The following NRXN1 variants were observed in gnomAD, a reference collection of about 807,000 sequenced individuals.
NRXN1 encodes neurexin-1.
In NRXN1, 39 loss-of-function variants were observed where a neutral mutation model predicts 150.9. That is an observed-to-expected ratio of 0.26 (90% CI 0.20 to 0.34). The LOEUF (loss-of-function observed/expected upper bound fraction) is 0.34. Among genes scored for constraint, NRXN1 ranks in the 10% least tolerant of loss-of-function variants. The probability of loss-of-function intolerance (pLI) is 1.00; values close to 1 mark genes in which losing one functional copy is unlikely to be tolerated. For missense variants in NRXN1, 1,815 were observed against 1,949.9 expected (o/e 0.93, Z 1.30); for synonymous variants, 924 against 757.0 (o/e 1.22, Z -3.62).
At chr2:50,251,339 T>G (rs545095359) in intron 17 of NRXN1, among the ~76,000 whole-genome samples, 1 of 149,080 alleles carries the variant, frequency 6.7e-6, no homozygotes, top group Admixed American at 6.8e-5. Flanking sequence ...GCTCCATCCA[T>G]GTCTCTGCAG....
intron 17 of NRXN1, among the ~76,000 whole-genome samples, chr2:50,287,551 G>C (rs1406574007): frequency 2.0e-5 from 3 of 151,974 alleles, no homozygotes; most frequent in Non-Finnish European, 4.4e-5. Context: ...AAGATGGAAA[G>C]TGCAACAGAG....
intron 2 of NRXN1, among the ~76,000 whole-genome samples, chr2:50,931,338 T>G (rs1051789633): frequency 6.6e-6 from 1 of 152,130 alleles, no homozygotes; most frequent in African/African-American, 2.4e-5. Context: ...CTATTTAATT[T>G]ATCTAAGAAA....
intron 18 of NRXN1, among the ~76,000 whole-genome samples, chr2:50,122,566 T>C (rs910632030): frequency 6.6e-6 from 1 of 152,234 alleles, no homozygotes; most frequent in African/African-American, 2.4e-5. Context: ...TTCAGTCTCA[T>C]CTGACATCAC....
At chr2:50,677,520 T>C (rs947193692) in intron 5 of NRXN1, among the ~76,000 whole-genome samples, 10 of 152,178 alleles carry the variant, frequency 6.6e-5, no homozygotes, top group African/African-American at 2.4e-4. Flanking sequence ...TGACTAAATT[T>C]ACTGGCCTAA....
At chr2:50,568,244 T>C (rs1439125712) in intron 8 of NRXN1, among the ~76,000 whole-genome samples, 1 of 152,128 alleles carries the variant, frequency 6.6e-6, no homozygotes, top group East Asian at 1.9e-4. Flanking sequence ...CAAAGATTTC[T>C]TGAATAATAC....
intron 2 of NRXN1, among the ~76,000 whole-genome samples, chr2:50,989,368 G>A (rs1306324127): frequency 2.0e-5 from 3 of 151,894 alleles, no homozygotes; most frequent in Admixed American, 6.6e-5. Flanking sequence ...ACCCTTATAA[G>A]TGGGTAATTA....
chr2:50,434,051 T>C (rs2085211657), intron 17 of NRXN1, among the ~76,000 whole-genome samples: 1 of 127,824 alleles, frequency 7.8e-6, no homozygotes, highest in Non-Finnish European at 1.7e-5. Context: ...CCATTTTTTT[T>C]TTTTTTTTTT....
At chr2:50,573,359 T>C (rs1670937557) in intron 8 of NRXN1, among the ~76,000 whole-genome samples, 1 of 115,170 alleles carries the variant, frequency 8.7e-6, no homozygotes, top group Admixed American at 9.1e-5. Context: ...AGACACTCTG[T>C]CTTTAAAAAA....
intron 2 of NRXN1, among the ~76,000 whole-genome samples, chr2:50,939,615 A>T (rs1361855129): frequency 6.6e-6 from 1 of 152,166 alleles, no homozygotes; most frequent in Non-Finnish European, 1.5e-5. Flanking sequence ...GGTATTTAAG[A>T]TGGCATTCTC....
At chr2:50,605,036 C>A (rs1192861580) in intron 8 of NRXN1, among the ~76,000 whole-genome samples, 1 of 152,160 alleles carries the variant, frequency 6.6e-6, no homozygotes. Flanking sequence ...ACTTGGGAAA[C>A]CCCAGTTGAT....
At chr2:50,638,422 A>G (rs1350430501) in intron 5 of NRXN1, among the ~76,000 whole-genome samples, 1 of 152,208 alleles carries the variant, frequency 6.6e-6, no homozygotes, top group Non-Finnish European at 1.5e-5. Context: ...AGCACAAAAT[A>G]CACAATAAAA....
chr2:50,540,578 T>C (rs532852033), intron 9 of NRXN1, among the ~76,000 whole-genome samples: 22 of 152,030 alleles, frequency 1.4e-4, no homozygotes, highest in African/African-American at 5.1e-4. Context: ...TGTCTTTTAA[T>C]GACAAAAGGA....
chr2:50,995,237 C>CA (rs1330751984), intron 2 of NRXN1, among the ~76,000 whole-genome samples: 1 of 151,850 alleles, frequency 6.6e-6, no homozygotes, highest in African/African-American at 2.4e-5. Context: ...CAGATGAGGA[C>CA]ACTGAGACAC....
intron 5 of NRXN1, among the ~76,000 whole-genome samples, chr2:50,899,540 T>C (rs528619250): frequency 6.6e-5 from 10 of 152,252 alleles, no homozygotes; most frequent in Admixed American, 6.5e-4. Flanking sequence ...AGGGTAACCC[T>C]GTGAAGTAAC....
chr2:50,472,314 G>T lies in NRXN1; in HGVS notation c.3228C>A (p.Ile1076=), dbSNP rs201241923. 1.2e-6 allele frequency: 2 copies of T among 1,603,710 alleles called. No individual in the cohort carries two copies. Among genetic ancestry groups the T allele is most frequent in the Non-Finnish European group, 1.7e-6 (2 of 1,174,574 alleles). Residue 1076 remains isoleucine, a synonymous_variant, in exon 16 of 23, where the codon ATC becomes ATA. Coordinates refer to ENST00000401669, the MANE Select transcript of NRXN1 (RefSeq NM_001330078.2). Reference sequence around the variant, plus strand: ...ATCTAATACCTTCACATCCTCTCTCGATCTGTCCGTTGCAGAAAAGAGCAT... The same window carrying T: ...ATCTAATACCTTCACATCCTCTCTCTATCTGTCCGTTGCAGAAAAGAGCAT... ...ISDALFCNGQ[I]ERGCEGPSTT...
chr2:50,967,736 G>C (rs539249880), intron 2 of NRXN1, among the ~76,000 whole-genome samples: 1 of 151,914 alleles, frequency 6.6e-6, no homozygotes, highest in East Asian at 1.9e-4. Flanking sequence ...TAAGTAAGTA[G>C]CTTTTACCTC....
At chr2:50,084,558 G>A (rs576440144) in intron 19 of NRXN1, among the ~76,000 whole-genome samples, 1,836 of 152,236 alleles carry the variant, frequency 0.012, 47 homozygotes, top group African/African-American at 0.041. Flanking sequence ...TGCAAGCGCC[G>A]CACGCAGCCC....
chr2:50,376,957 CTTTTCT>C (rs1204768969), intron 17 of NRXN1, among the ~76,000 whole-genome samples: 2 of 116,960 alleles, frequency 1.7e-5, no homozygotes, highest in African/African-American at 7.2e-5. Context: ...TTTTTCTTTT[CTTTTCT>C]TTTTTTTTTT....
At chr2:50,601,813 T>G (rs1049962196) in intron 8 of NRXN1, among the ~76,000 whole-genome samples, 1 of 152,200 alleles carries the variant, frequency 6.6e-6, no homozygotes, top group Non-Finnish European at 1.5e-5. Context: ...AATGTACCAC[T>G]GCATAAGACA....
Sources: gnomAD v4.1 joint callset for allele counts (sites outside exome capture counted in the v4.1 genomes callset) on GRCh38, gnomAD v4.1.1 for gene constraint, MANE v1.5 for transcripts, NCBI Gene and HGNC (gene_info 2026-07-23, HGNC 2026-07-21) for gene names.